The following SLC30A8 variants were observed in gnomAD, a reference collection of about 807,000 sequenced individuals.
SLC30A8 encodes the protein solute carrier family 30 member 8.
A neutral mutation model predicts 36.9 loss-of-function variants in SLC30A8; 27 were observed. That is an observed-to-expected ratio of 0.73 (90% CI 0.54 to 1.01). SLC30A8 has a LOEUF of 1.01. Ranked by LOEUF, SLC30A8 falls within the 50% of genes least tolerant of loss-of-function variation. SLC30A8 has a pLI of 0.00. For synonymous variants in SLC30A8, 164 were observed against 172.4 expected, an observed-to-expected ratio of 0.95 and a Z score of 0.38; for missense variants, 439 against 452.0, an observed-to-expected ratio of 0.97 and a Z score of 0.26.
intron 2 of SLC30A8, chr8:117,055,746 T>G (rs4876696): frequency 0.31 from 47,649 of 152,128 alleles, 7,949 homozygotes; most frequent in African/African-American, 0.43. Flanking sequence ...TATAGAGAAT[T>G]TACACGTGTA....
chr8:117,022,996 C>A (rs1816752402), intron 1 of SLC30A8, among the ~76,000 whole-genome samples: 1 of 152,098 alleles, frequency 6.6e-6, no homozygotes, highest in East Asian at 1.9e-4. Context: ...GGGCTAATAT[C>A]CAGAATCTAC....
At chr8:117,064,799 G>T (rs1335411869) in intron 2 of SLC30A8, among the ~76,000 whole-genome samples, 4 of 152,192 alleles carry the variant, frequency 2.6e-5, no homozygotes, top group Non-Finnish European at 4.4e-5. Flanking sequence ...AGCCCCATCT[G>T]GGAGAGGAGG....
intron 1 of SLC30A8, among the ~76,000 whole-genome samples, chr8:117,037,148 G>A (rs1028688029): frequency 4.8e-4 from 72 of 151,374 alleles, no homozygotes; most frequent in African/African-American, 1.7e-3. Flanking sequence ...TTCTTTTTTG[G>A]CAGGCAGGAA....
intron 1 of SLC30A8, among the ~76,000 whole-genome samples, chr8:117,022,777 G>T (rs1816743718): frequency 6.6e-6 from 1 of 152,110 alleles, no homozygotes; most frequent in Admixed American, 6.6e-5. Context: ...AAAAACCCTA[G>T]AAGAAAACCT....
At chr8:116,990,088 C>T (rs935751999) in intron 1 of SLC30A8, among the ~76,000 whole-genome samples, 1 of 152,106 alleles carries the variant, frequency 6.6e-6, no homozygotes, top group Non-Finnish European at 1.5e-5. Flanking sequence ...ATTCCTGAGG[C>T]TGAAATAATG....
chr8:117,097,279 G>C (rs1016963197), intron 2 of SLC30A8, among the ~76,000 whole-genome samples: 2 of 146,870 alleles, frequency 1.4e-5, no homozygotes, highest in Non-Finnish European at 3.0e-5. Context: ...GGCGCCTGTA[G>C]TCCCAGCTAC....
intron 2 of SLC30A8, among the ~76,000 whole-genome samples, chr8:117,104,896 C>T (rs1417693554): frequency 6.6e-6 from 1 of 152,084 alleles, no homozygotes; most frequent in Non-Finnish European, 1.5e-5. Flanking sequence ...CCTTTTCGGC[C>T]ATATAGGGTA....
Position 117,176,628 on chromosome 8 carries a change from G to A in SLC30A8, c.*3947G>A, listed in dbSNP as rs1013963495. ...TTAACTTTCTGATTTCACACTTAACGTCTGTCATTCTGTTACTGGGCACCT... is the reference window on the plus strand; with the variant it reads ...TTAACTTTCTGATTTCACACTTAACATCTGTCATTCTGTTACTGGGCACCT... On this transcript the variant is annotated 3_prime_UTR_variant, in exon 8 of 8. Transcript: ENST00000456015. 5 of 152,396 alleles carry A rather than the reference G, an allele frequency of 3.3e-5. No individual in the cohort carries two copies. The highest frequency in any genetic ancestry group is 1.2e-4 in the African/African-American group (5 of 41,388). 9.4% of individuals were successfully genotyped at this position (152,396 alleles called of 1,614,324 possible). A position where few individuals can be genotyped will look rare whatever the true frequency, so the allele number is the denominator to read the frequency against.
At chr8:117,047,443 G>A (rs931750656) in intron 2 of SLC30A8, among the ~76,000 whole-genome samples, 3 of 152,108 alleles carry the variant, frequency 2.0e-5, no homozygotes, top group African/African-American at 7.2e-5. Flanking sequence ...TTGCAAAAAT[G>A]CTTTTGAGTC....
chr8:117,069,884 C>T (rs1586466671), intron 2 of SLC30A8, among the ~76,000 whole-genome samples: 1 of 152,186 alleles, frequency 6.6e-6, no homozygotes, highest in East Asian at 1.9e-4. Context: ...CACACACACG[C>T]TGGAAGTAGG....
intron 2 of SLC30A8, among the ~76,000 whole-genome samples, chr8:117,090,081 T>C (rs555738942): frequency 2.2e-4 from 33 of 152,268 alleles, no homozygotes; most frequent in African/African-American, 7.5e-4. Context: ...CAAGCGATTC[T>C]TCTGCCTCAG....
chr8:117,098,114 C>T (rs1261130181), intron 2 of SLC30A8, among the ~76,000 whole-genome samples: 2 of 140,076 alleles, frequency 1.4e-5, no homozygotes. Flanking sequence ...TTCTGTGAAG[C>T]TAAGTAACAG....
At position 116,976,692 on chromosome 8, in the gene SLC30A8, A is replaced by G. The variant is rs558590836; in HGVS notation, c.-266+25573A>G. Among the ~76,000 whole-genome samples, 8 of 152,276 alleles carry G rather than the reference A, an allele frequency of 5.3e-5. No homozygotes were observed. The East Asian group carries it at 1.4e-3, about 26-fold the overall frequency. On this transcript the variant is annotated intron_variant, in intron 1 of 10. Coordinates refer to the SLC30A8 transcript ENST00000427715. ...CAGGGAATCATTCCCAGACATCACA[A>G]TGTAGGTTACCTGTTCCTCTGCTGG... is the stretch of plus-strand genomic sequence containing the variant.
intron 1 of SLC30A8, among the ~76,000 whole-genome samples, chr8:116,967,729 T>C (rs1189451192): frequency 6.6e-6 from 1 of 152,212 alleles, no homozygotes; most frequent in African/African-American, 2.4e-5. Flanking sequence ...GTGGCAATTC[T>C]TTCTAAACAA....
intron 1 of SLC30A8, among the ~76,000 whole-genome samples, chr8:116,977,317 T>C (rs1284073305): frequency 1.7e-5 from 1 of 57,198 alleles, no homozygotes; most frequent in African/African-American, 4.0e-5. Context: ...CCTGGCTAAT[T>C]TTTTTTTTTG....
intron 2 of SLC30A8, among the ~76,000 whole-genome samples, chr8:117,071,651 AT>A (rs1818333817): frequency 6.6e-6 from 1 of 151,910 alleles, no homozygotes; most frequent in Admixed American, 6.6e-5. Flanking sequence ...CTTTTCTACC[AT>A]GTTTTCTTCT....
chr8:117,093,295 T>G (rs1268310375), intron 2 of SLC30A8, among the ~76,000 whole-genome samples: 2 of 151,782 alleles, frequency 1.3e-5, no homozygotes, highest in Non-Finnish European at 2.9e-5. Context: ...AAAAAGAAAG[T>G]CCAAGGAGTT....
chr8:117,154,381 C>T (rs572286614), intron 3 of SLC30A8, among the ~76,000 whole-genome samples: 131 of 152,242 alleles, frequency 8.6e-4, no homozygotes, highest in Non-Finnish European at 1.7e-3. Context: ...CACATTTTCA[C>T]ACTGGTTGAG....
chr8:117,050,832 G>A (rs1193712819), intron 2 of SLC30A8, among the ~76,000 whole-genome samples: 3 of 152,220 alleles, frequency 2.0e-5, no homozygotes, highest in Non-Finnish European at 4.4e-5. Flanking sequence ...AAGGAACAGT[G>A]GAGAAGAGCA....
Sources: gnomAD v4.1 joint callset for allele counts (sites outside exome capture counted in the v4.1 genomes callset) on GRCh38, gnomAD v4.1.1 for gene constraint, MANE v1.5 for transcripts, NCBI Gene and HGNC (gene_info 2026-07-23, HGNC 2026-07-21) for gene names.